Variants in LRP1B observed in about 807,000 individuals in gnomAD.
LRP1B encodes the protein LDL receptor related protein 1B.
LRP1B carries 217 observed loss-of-function variants against 556.6 expected under a neutral mutation model. That is an observed-to-expected ratio of 0.39 (90% CI 0.35 to 0.44). LRP1B has a LOEUF of 0.44. LRP1B is among the 20% of genes least tolerant of loss of function. LRP1B has a pLI of 1.00. For missense variants in LRP1B, 5,053 were observed against 5,620.8 expected (o/e 0.90, Z 3.23); for synonymous variants, 2,047 against 1,865.8 (o/e 1.10, Z -2.50).
intron 7 of LRP1B, among the ~76,000 whole-genome samples, chr2:141,123,562 C>T (rs1300263662): frequency 6.6e-6 from 1 of 152,066 alleles, no homozygotes; most frequent in Non-Finnish European, 1.5e-5. Context: ...ATGCTCTCTA[C>T]TATTATGCAG....
chr2:140,401,410 C>G (rs767936493), intron 66 of LRP1B, among the ~76,000 whole-genome samples: 1 of 152,166 alleles, frequency 6.6e-6, no homozygotes, highest in Non-Finnish European at 1.5e-5. Flanking sequence ...CCATTCCTTG[C>G]GTGAACTCTT....
chr2:140,823,298 ATTGT>A (rs5834783), intron 31 of LRP1B, among the ~76,000 whole-genome samples: 117,362 of 151,620 alleles, frequency 0.77, 46,871 homozygotes, highest in Non-Finnish European at 0.88. Context: ...GCTCTTCTTA[ATTGT>A]TTAATTTTCT....
intron 79 of LRP1B, among the ~76,000 whole-genome samples, chr2:140,331,897 A>AT (rs1680837540): frequency 6.6e-6 from 1 of 151,772 alleles, no homozygotes; most frequent in Non-Finnish European, 1.5e-5. Flanking sequence ...GGGTTTTGCC[A>AT]TGTTGGGCAG....
At chr2:140,639,009 C>T (rs1310832607) in intron 41 of LRP1B, among the ~76,000 whole-genome samples, 1 of 151,334 alleles carries the variant, frequency 6.6e-6, no homozygotes, top group Non-Finnish European at 1.5e-5. Flanking sequence ...TATTTCTTGC[C>T]AGTTGCTTAT....
intron 18 of LRP1B, among the ~76,000 whole-genome samples, chr2:140,959,666 G>T (rs1695976304): frequency 6.6e-6 from 1 of 151,562 alleles, no homozygotes; most frequent in Admixed American, 6.6e-5. Flanking sequence ...CAAAATACAT[G>T]TGAAGTATCT....
chr2:140,600,766 G>GTTTTTTTTTTTTTTTTTTTTTTTTTTT (rs1558996101), intron 42 of LRP1B, among the ~76,000 whole-genome samples: 5 of 46,174 alleles, frequency 1.1e-4, no homozygotes, highest in African/African-American at 4.1e-4. Context: ...TGTTCTTCGG[G>GTTTTTTTTTTTTTTTTTTTTTTTTTTT]GTTTTTTTTT....
chr2:140,781,434 A>G (rs913997137), intron 32 of LRP1B, among the ~76,000 whole-genome samples: 4 of 152,192 alleles, frequency 2.6e-5, no homozygotes, highest in African/African-American at 4.8e-5. Context: ...TCCACCTACT[A>G]AGACTCCTTT....
intron 7 of LRP1B, chr2:141,167,144 C>T (rs1368262938): frequency 1.3e-5 from 2 of 151,920 alleles, no homozygotes; most frequent in East Asian, 3.9e-4. Context: ...AAAAAGCTCC[C>T]ATAAACCTCT....
At chr2:140,859,168 C>A (rs997186328) in intron 27 of LRP1B, among the ~76,000 whole-genome samples, 4 of 151,658 alleles carry the variant, frequency 2.6e-5, no homozygotes, top group Non-Finnish European at 4.4e-5. Context: ...AAGCAACCTG[C>A]AAGTATTTGA....
intron 41 of LRP1B, among the ~76,000 whole-genome samples, chr2:140,606,560 C>A (rs1175778367): frequency 1.3e-5 from 2 of 151,698 alleles, no homozygotes; most frequent in Admixed American, 6.6e-5. Context: ...CCAAAAGAAT[C>A]TTAAATGAAA....
intron 7 of LRP1B, among the ~76,000 whole-genome samples, chr2:141,126,039 T>TTA (rs1260930087): frequency 2.2e-4 from 14 of 62,262 alleles, no homozygotes; most frequent in Admixed American, 1.8e-3. Context: ...TTCCTTTTAT[T>TTA]TTTTTTTTTT....
intron 41 of LRP1B, among the ~76,000 whole-genome samples, chr2:140,630,677 A>C (rs1196191307): frequency 7.2e-5 from 11 of 152,174 alleles, no homozygotes; most frequent in Non-Finnish European, 1.6e-4. Context: ...AAGAAAAAAA[A>C]CCCTCATGTT....
chr2:141,034,041 G>A (rs780211113), intron 11 of LRP1B, among the ~76,000 whole-genome samples: 21 of 152,072 alleles, frequency 1.4e-4, no homozygotes, highest in Non-Finnish European at 2.6e-4. Flanking sequence ...TTTAAGTGCA[G>A]TTAATTATTA....
chr2:140,909,142 G>A (rs915740785), intron 21 of LRP1B, among the ~76,000 whole-genome samples: 5 of 151,932 alleles, frequency 3.3e-5, no homozygotes, highest in African/African-American at 4.8e-5. Context: ...TCCTCCTTTC[G>A]AAACAGTCTT....
At chr2:142,026,804 C>A (rs1703523181) in intron 1 of LRP1B, among the ~76,000 whole-genome samples, 1 of 150,360 alleles carries the variant, frequency 6.7e-6, no homozygotes, top group Non-Finnish European at 1.5e-5. Flanking sequence ...AAAATATAAA[C>A]ATATTTTTGT....
chr2:140,661,720 A>G (rs1322902892), intron 41 of LRP1B, among the ~76,000 whole-genome samples: 1 of 152,188 alleles, frequency 6.6e-6, no homozygotes, highest in Non-Finnish European at 1.5e-5. Flanking sequence ...AGCAATGTAG[A>G]CAGTTCTGGA....
intron 41 of LRP1B, among the ~76,000 whole-genome samples, chr2:140,616,004 T>A (rs191705805): frequency 6.6e-6 from 1 of 152,074 alleles, no homozygotes; most frequent in African/African-American, 2.4e-5. Context: ...TCCCTAATAC[T>A]CAAAAATAAT....
intron 3 of LRP1B, among the ~76,000 whole-genome samples, chr2:141,409,441 T>C (rs1690766428): frequency 6.6e-6 from 1 of 152,130 alleles, no homozygotes; most frequent in South Asian, 2.1e-4. Context: ...AGGCAGTGTA[T>C]ATAAAGCTCT....
intron 77 of LRP1B, among the ~76,000 whole-genome samples, chr2:140,336,583 A>G (rs1681114079): frequency 1.3e-5 from 2 of 152,068 alleles, no homozygotes; most frequent in East Asian, 3.9e-4. Context: ...CACCACACAT[A>G]ATTTTGTTCT....
Sources: allele counts gnomAD v4.1 joint callset (sites outside exome capture counted in the v4.1 genomes callset), GRCh38; gene constraint gnomAD v4.1.1; transcripts MANE v1.5; gene names NCBI Gene and HGNC (gene_info 2026-07-23, HGNC 2026-07-21).